The following GCSAML variants were observed in gnomAD, a reference collection of about 807,000 sequenced individuals.
GCSAML encodes germinal center associated signaling and motility like, also known as germinal center-associated signaling and motility-like protein.
A neutral mutation model predicts 13.0 loss-of-function variants in GCSAML; 9 were observed. The observed-to-expected ratio is 0.69, with a 90% CI of 0.42 to 1.21. GCSAML has a LOEUF of 1.21. GCSAML is among the 50% of genes most tolerant of loss of function. The pLI, the probability that GCSAML is intolerant of heterozygous loss-of-function variation, is 0.00. For missense variants in GCSAML, 143 were observed against 153.4 expected (o/e 0.93, Z 0.36); for synonymous variants, 37 against 52.9 (o/e 0.70, Z 1.31).
chr1:247,554,490 C>A (rs574584592), intron 1 of GCSAML, among the ~76,000 whole-genome samples: 4 of 152,078 alleles, frequency 2.6e-5, no homozygotes, highest in Non-Finnish European at 4.4e-5. Flanking sequence ...TTTCTTCTCC[C>A]AACTTCTTAA....
chr1:247,509,389 C>T (rs1416622079), intron 1 of GCSAML, among the ~76,000 whole-genome samples: 1 of 152,140 alleles, frequency 6.6e-6, no homozygotes, highest in African/African-American at 2.4e-5. Flanking sequence ...TGCTTATCAG[C>T]TTAAGGAGAT....
chr1:247,562,246 G>A lies in GCSAML; in HGVS notation c.90-1344G>A, dbSNP rs142773235. On this transcript the variant is annotated intron_variant, in intron 2 of 4. Coordinates refer to ENST00000366488, the MANE Select transcript of GCSAML (RefSeq NM_145278.5). ...TGGAGCCATGAGTAAGGAACGCTAA[G>A]GTCTGGCTCCTGGGCATGACTTTCT... 2.9e-3 allele frequency among the ~76,000 whole-genome samples: 448 copies of A among 152,264 alleles called. 4 individuals are homozygous for A. Among genetic ancestry groups the A allele is most frequent in the African/African-American group, 0.01 (433 of 41,556 alleles).
chr1:247,539,657 T>C (rs1667341263), intron 2 of GCSAML, among the ~76,000 whole-genome samples: 1 of 152,190 alleles, frequency 6.6e-6, no homozygotes, highest in Non-Finnish European at 1.5e-5. Flanking sequence ...AGGGGAGCCC[T>C]CGGCCTCAAA....
chr1:247,513,112 C>T (rs139920895), intron 1 of GCSAML, among the ~76,000 whole-genome samples: 9 of 152,300 alleles, frequency 5.9e-5, no homozygotes, highest in East Asian at 5.8e-4. Flanking sequence ...TGCCCATAGC[C>T]GCCCCTTCCC....
intron 4 of GCSAML, among the ~76,000 whole-genome samples, chr1:247,569,583 T>C (rs1013548176): frequency 6.6e-6 from 1 of 152,242 alleles, no homozygotes; most frequent in African/African-American, 2.4e-5. Context: ...ATATGCTTTT[T>C]AATGTGCTGC....
At chr1:247,512,596 T>C (rs1200848247) in intron 1 of GCSAML, among the ~76,000 whole-genome samples, 1 of 152,172 alleles carries the variant, frequency 6.6e-6, no homozygotes, top group East Asian at 2.0e-4. Flanking sequence ...GGCGTTCTGG[T>C]TTTTGGAATT....
intron 1 of GCSAML, among the ~76,000 whole-genome samples, chr1:247,517,543 T>A (rs940451692): frequency 6.6e-6 from 1 of 152,224 alleles, no homozygotes; most frequent in African/African-American, 2.4e-5. Context: ...ACAAAATATT[T>A]TTTTTAATAT....
intron 1 of GCSAML, among the ~76,000 whole-genome samples, chr1:247,553,728 G>A (rs1667857243): frequency 6.6e-6 from 1 of 152,144 alleles, no homozygotes; most frequent in South Asian, 2.1e-4. Flanking sequence ...AGCCTCCCAA[G>A]GAGCTGGGAT....
Position 247,574,333 on chromosome 1 carries a change from C to G in GCSAML, c.359C>G (p.Pro120Arg), listed in dbSNP as rs375716288. Reference sequence around the variant, plus strand: ...CTTCTTAGGACTTCTGTTAGTAGGCCTTGTTCCTGCACCCATGAGCATGAT... The same window carrying G: ...CTTCTTAGGACTTCTGTTAGTAGGCGTTGTTCCTGCACCCATGAGCATGAT... Reference protein sequence around the residue: ...YALLRTSVSRPCSCTHEHDYE... With the variant: ...YALLRTSVSRRCSCTHEHDYE... Residue 120 changes from proline to arginine, a missense_variant, in exon 5 of 5, where the codon CCT becomes CGT. Coordinates refer to ENST00000366488, the MANE Select transcript of GCSAML (RefSeq NM_145278.5). 2 of 1,614,056 alleles carry G rather than the reference C, an allele frequency of 1.2e-6. No homozygotes were observed. Among genetic ancestry groups the G allele is most frequent in the Non-Finnish European group, 1.7e-6 (2 of 1,179,990 alleles).
intron 1 of GCSAML, chr1:247,518,645 C>T (rs2103307402): frequency 6.6e-6 from 1 of 152,432 alleles, no homozygotes; most frequent in Admixed American, 6.5e-5. Context: ...TTCGTGTGGT[C>T]CGCGAAGCTT....
intron 2 of GCSAML, among the ~76,000 whole-genome samples, chr1:247,559,815 C>T (rs1668064277): frequency 1.3e-5 from 2 of 152,140 alleles, no homozygotes; most frequent in South Asian, 4.1e-4. Context: ...TGTCTTCCCT[C>T]TGTGTTACGA....
At chr1:247,559,571 G>A (rs753934731) in intron 2 of GCSAML, among the ~76,000 whole-genome samples, 2 of 152,100 alleles carry the variant, frequency 1.3e-5, no homozygotes, top group African/African-American at 4.8e-5. Flanking sequence ...GAGGATAGAG[G>A]GAGGTCCTGT....
chr1:247,572,158 A>G (rs1410499073), intron 4 of GCSAML, among the ~76,000 whole-genome samples: 1 of 152,024 alleles, frequency 6.6e-6, no homozygotes, highest in African/African-American at 2.4e-5. Flanking sequence ...ATGCTCCTTT[A>G]GATCGGAAGA....
chr1:247,564,501 A>G (rs1668265884), intron 3 of GCSAML, among the ~76,000 whole-genome samples: 1 of 152,190 alleles, frequency 6.6e-6, no homozygotes, highest in South Asian at 2.1e-4. Flanking sequence ...GGACAAGTAT[A>G]CCTAAAGGAA....
chr1:247,530,343 T>C (rs961921083), intron 2 of GCSAML: 1 of 152,146 alleles, frequency 6.6e-6, no homozygotes, highest in African/African-American at 2.4e-5. Flanking sequence ...CTAGCTGTTG[T>C]AAATTAGGAC....
chr1:247,516,402 T>C (rs761317986), intron 1 of GCSAML, among the ~76,000 whole-genome samples: 2 of 152,192 alleles, frequency 1.3e-5, no homozygotes, highest in African/African-American at 2.4e-5. Flanking sequence ...CTTGTGTCCA[T>C]GTTACAATTT....
intron 1 of GCSAML, among the ~76,000 whole-genome samples, chr1:247,549,532 G>A (rs1667696588): frequency 2.6e-5 from 4 of 152,038 alleles, no homozygotes; most frequent in African/African-American, 9.7e-5. Flanking sequence ...AACATGGGTT[G>A]TACTTTACTA....
intron 2 of GCSAML, chr1:247,531,561 C>A: frequency 3.1e-6 from 5 of 1,613,284 alleles, no homozygotes; most frequent in Non-Finnish European, 4.2e-6. Flanking sequence ...AAATTTGCGC[C>A]AGCTTGCCTG....
chr1:247,515,266 C>A (rs1666172908), intron 1 of GCSAML, among the ~76,000 whole-genome samples: 1 of 152,144 alleles, frequency 6.6e-6, no homozygotes, highest in Admixed American at 6.5e-5. Flanking sequence ...TGAATAAAAG[C>A]CTTTCAAATC....
Sources: allele counts gnomAD v4.1 joint callset (sites outside exome capture counted in the v4.1 genomes callset), GRCh38; gene constraint gnomAD v4.1.1; transcripts MANE v1.5; gene names NCBI Gene and HGNC (gene_info 2026-07-23, HGNC 2026-07-21).